Variants in NKAIN2 observed in about 807,000 individuals in gnomAD.
NKAIN2 encodes sodium/potassium transporting ATPase interacting 2.
In NKAIN2, 14 loss-of-function variants were observed where a neutral mutation model predicts 32.6. The ratio of observed to expected loss-of-function variants is 0.43; its 90% confidence interval spans 0.28 to 0.67. The LOEUF (loss-of-function observed/expected upper bound fraction) is 0.67. Among genes scored for constraint, NKAIN2 ranks in the 30% least tolerant of loss-of-function variants. The pLI is 0.17. For synonymous variants in NKAIN2, 80 were observed against 87.2 expected (o/e 0.92, Z 0.46); for missense variants, 198 against 258.3 (o/e 0.77, Z 1.60).
Position 124,141,221 on chromosome 6 carries a change from G to C in NKAIN2, c.55-141784G>C, listed in dbSNP as rs1432419184. 3.3e-5 allele frequency among the ~76,000 whole-genome samples: 5 copies of C among 152,144 alleles called. No homozygotes were observed. The South Asian group carries it at 8.3e-4, about 25-fold the overall frequency. On this transcript the variant is annotated intron_variant, in intron 1 of 6. Transcript: ENST00000368417. Reference sequence around the variant, plus strand: ...CAAGATTTATGACTTTAGTTTCCTGGGAGCAATGAAAATTCCCTGTGCTTA... The same window carrying C: ...CAAGATTTATGACTTTAGTTTCCTGCGAGCAATGAAAATTCCCTGTGCTTA...
intron 4 of NKAIN2, among the ~76,000 whole-genome samples, chr6:124,788,659 G>A (rs11154265): frequency 0.34 from 51,516 of 151,810 alleles, 9,082 homozygotes; most frequent in East Asian, 0.6. Context: ...CATGAGAACA[G>A]CATGAAGGTA....
At chr6:124,131,302 G>C (rs577708675) in intron 1 of NKAIN2, among the ~76,000 whole-genome samples, 2 of 152,036 alleles carry the variant, frequency 1.3e-5, no homozygotes, top group African/African-American at 2.4e-5. Flanking sequence ...ATGCCGCCAC[G>C]TCTGGCTATT....
intron 4 of NKAIN2, among the ~76,000 whole-genome samples, chr6:124,689,516 T>C (rs1178422851): frequency 6.6e-6 from 1 of 152,152 alleles, no homozygotes; most frequent in Non-Finnish European, 1.5e-5. Context: ...GACAGTGTCA[T>C]GTCTAAAAAG....
intron 4 of NKAIN2, among the ~76,000 whole-genome samples, chr6:124,705,870 A>G (rs1775035202): frequency 6.6e-6 from 1 of 152,108 alleles, no homozygotes; most frequent in Admixed American, 6.6e-5. Flanking sequence ...CAGTCAAAGA[A>G]GTAGCATGAA....
At chr6:123,952,876 A>G (rs764294217) in intron 1 of NKAIN2, among the ~76,000 whole-genome samples, 2 of 151,836 alleles carry the variant, frequency 1.3e-5, no homozygotes, top group African/African-American at 4.8e-5. Flanking sequence ...GATTTCATGT[A>G]TTTCTGTTTG....
intron 1 of NKAIN2, among the ~76,000 whole-genome samples, chr6:124,276,133 T>A (rs918632938): frequency 1.3e-5 from 2 of 152,128 alleles, no homozygotes; most frequent in Non-Finnish European, 2.9e-5. Flanking sequence ...GTGGTGGCGG[T>A]GGTGATTTAT....
chr6:124,722,928 G>A (rs1776092832), intron 4 of NKAIN2, among the ~76,000 whole-genome samples: 1 of 152,182 alleles, frequency 6.6e-6, no homozygotes. Flanking sequence ...CTTTCAAGGT[G>A]TGGTTTGCAG....
At chr6:124,061,800 C>T (rs1782928611) in intron 1 of NKAIN2, among the ~76,000 whole-genome samples, 1 of 151,904 alleles carries the variant, frequency 6.6e-6, no homozygotes, top group Admixed American at 6.6e-5. Context: ...AAATAGTAAT[C>T]TCCAGAGCTT....
At chr6:124,407,548 G>T (rs2114480564) in intron 3 of NKAIN2, among the ~76,000 whole-genome samples, 1 of 152,188 alleles carries the variant, frequency 6.6e-6, no homozygotes, top group East Asian at 1.9e-4. Context: ...TGGCTTCATA[G>T]TATTCCATGG....
intron 4 of NKAIN2, among the ~76,000 whole-genome samples, chr6:124,727,408 T>A (rs2114650973): frequency 6.6e-6 from 1 of 151,760 alleles, no homozygotes; most frequent in Middle Eastern, 3.4e-3. Context: ...ATATTCAACA[T>A]TCTTAAAGAA....
intron 1 of NKAIN2, among the ~76,000 whole-genome samples, chr6:124,225,670 A>G (rs950951373): frequency 6.6e-6 from 1 of 151,998 alleles, no homozygotes; most frequent in African/African-American, 2.4e-5. Flanking sequence ...AATATATAAA[A>G]ATATGAGAAA....
intron 3 of NKAIN2, among the ~76,000 whole-genome samples, chr6:124,653,444 C>CAAAAA (rs35842873): frequency 1.4e-4 from 11 of 79,698 alleles, no homozygotes; most frequent in Non-Finnish European, 1.4e-4. Flanking sequence ...CATCCACATG[C>CAAAAA]AAAAAAAAAA....
intron 1 of NKAIN2, among the ~76,000 whole-genome samples, chr6:123,804,604 T>G (rs1773136929): frequency 6.6e-6 from 1 of 152,220 alleles, no homozygotes; most frequent in African/African-American, 2.4e-5. Context: ...CCGTACAGGT[T>G]GTTAAACAGA....
At chr6:124,058,700 G>A (rs1033279651) in intron 1 of NKAIN2, among the ~76,000 whole-genome samples, 11 of 151,988 alleles carry the variant, frequency 7.2e-5, no homozygotes, top group Non-Finnish European at 1.5e-4. Flanking sequence ...GCTAAGAATG[G>A]TTTTTATATT....
chr6:124,158,141 A>G (rs1562391735), intron 1 of NKAIN2, among the ~76,000 whole-genome samples: 2 of 152,180 alleles, frequency 1.3e-5, no homozygotes, highest in Non-Finnish European at 2.9e-5. Context: ...TTCAAATGTC[A>G]AAGTGCCAGC....
chr6:124,388,990 T>C (rs1773031139), intron 3 of NKAIN2, among the ~76,000 whole-genome samples: 1 of 152,100 alleles, frequency 6.6e-6, no homozygotes, highest in South Asian at 2.1e-4. Context: ...TAAGCATGAA[T>C]GATAGTGCTG....
chr6:124,634,301 T>C (rs749345943), intron 3 of NKAIN2, among the ~76,000 whole-genome samples: 12 of 152,054 alleles, frequency 7.9e-5, no homozygotes, highest in Admixed American at 5.2e-4. Context: ...AATAATTATC[T>C]TAAGGGAACT....
chr6:124,443,849 CA>C (rs1775788614), intron 3 of NKAIN2, among the ~76,000 whole-genome samples: 1 of 152,016 alleles, frequency 6.6e-6, no homozygotes, highest in Non-Finnish European at 1.5e-5. Flanking sequence ...GTTTCTTCTC[CA>C]AAATGCTGTT....
intron 1 of NKAIN2, among the ~76,000 whole-genome samples, chr6:124,204,302 A>C (rs908148632): frequency 6.6e-6 from 1 of 151,864 alleles, no homozygotes; most frequent in Non-Finnish European, 1.5e-5. Context: ...ATAGGAATAA[A>C]TTAGACAAAG....
Sources: allele counts gnomAD v4.1 joint callset (sites outside exome capture counted in the v4.1 genomes callset), GRCh38; gene constraint gnomAD v4.1.1; transcripts MANE v1.5; gene names NCBI Gene and HGNC (gene_info 2026-07-23, HGNC 2026-07-21).